The following RYR3 variants were observed in gnomAD, a reference collection of about 807,000 sequenced individuals.
RYR3 encodes ryanodine receptor 3.
Under a neutral mutation model 584.3 loss-of-function variants are expected in RYR3, and 207 were observed. That is an observed-to-expected ratio of 0.35 (90% confidence interval 0.32 to 0.40). RYR3 has a LOEUF of 0.40. Among genes scored for constraint, RYR3 ranks in the 10% least tolerant of loss-of-function variants. RYR3 has a pLI of 1.00. For synonymous variants in RYR3, 2,416 were observed against 2,248.5 expected (o/e 1.07, Z -2.11); for missense variants, 5,616 against 6,089.2 (o/e 0.92, Z 2.59).
At chr15:33,731,258 T>G (rs1013110132) in intron 47 of RYR3, among the ~76,000 whole-genome samples, 1 of 70,528 alleles carries the variant, frequency 1.4e-5, no homozygotes, top group African/African-American at 3.8e-5. Context: ...TTTTTGTGTG[T>G]TTTTTTTTTG....
intron 1 of RYR3, among the ~76,000 whole-genome samples, chr15:33,373,138 T>G (rs921187403): frequency 2.1e-4 from 32 of 152,320 alleles, no homozygotes; most frequent in African/African-American, 7.7e-4. Context: ...GCTGATCAAG[T>G]CTTCTTCCTA....
chr15:33,314,524 A>G (rs1012852131), intron 1 of RYR3, among the ~76,000 whole-genome samples: 2 of 152,226 alleles, frequency 1.3e-5, no homozygotes, highest in African/African-American at 4.8e-5. Context: ...CATTTAAAAA[A>G]CACAAAACGA....
At chr15:33,457,433 T>C (rs1197943053) in intron 1 of RYR3, among the ~76,000 whole-genome samples, 3 of 152,184 alleles carry the variant, frequency 2.0e-5, no homozygotes, top group African/African-American at 7.2e-5. Context: ...AGTCCTGTCA[T>C]TTGCAGCAGG....
intron 1 of RYR3, among the ~76,000 whole-genome samples, chr15:33,450,312 A>G (rs577569315): frequency 1.3e-5 from 2 of 152,162 alleles, no homozygotes; most frequent in Admixed American, 1.3e-4. Context: ...TTTATTTGGG[A>G]AAACAAGACT....
At position 33,580,152 on chromosome 15, in the gene RYR3, G is replaced by A. The variant is rs190742260; in HGVS notation, c.1437+8G>A. On this transcript the variant is annotated splice_region_variant and intron_variant, in intron 13 of 103. Transcript: ENST00000634891. ...AATCTTTTCAAGGAAGAGGTAAGTC[G>A]AAAAATGAAAAGTTGAAATTCACTT... The A allele has an allele frequency of 4.7e-4, 738 of 1,581,280 alleles. 4 individuals are homozygous for A. In the Admixed American group the frequency reaches 0.013, roughly 27 times the overall value.
chr15:33,443,674 G>T (rs2046403354), intron 1 of RYR3, among the ~76,000 whole-genome samples: 1 of 152,164 alleles, frequency 6.6e-6, no homozygotes, highest in Admixed American at 6.5e-5. Flanking sequence ...CAAGACATGG[G>T]GCACCTGAGT....
intron 39 of RYR3, 78 bp downstream of exon 39, chr15:33,696,569 T>C (rs2065879685): frequency 2.9e-6 from 4 of 1,390,558 alleles, no homozygotes; most frequent in Admixed American, 1.9e-5. Context: ...TATAGAGATA[T>C]AGTGGAATCA....
At chr15:33,575,828 T>C (rs1470767706) in intron 12 of RYR3, among the ~76,000 whole-genome samples, 1 of 50,028 alleles carries the variant, frequency 2.0e-5, no homozygotes, top group Non-Finnish European at 4.4e-5. Context: ...ATACAGGAGC[T>C]GGTTTTAAAA....
chr15:33,316,221 T>C (rs1968149803), intron 1 of RYR3, among the ~76,000 whole-genome samples: 1 of 152,198 alleles, frequency 6.6e-6, no homozygotes. Context: ...TATCTGTGCT[T>C]ATTTGCCTCT....
rs780795276 is a variant in RYR3, at chr15:33,644,362, T to C, written c.3608T>C (p.Leu1203Pro). 6.2e-7 allele frequency: 1 copy of C among 1,613,234 alleles called. No individual in the cohort carries two copies. Among genetic ancestry groups the C allele is most frequent in the Non-Finnish European group, 8.5e-7 (1 of 1,179,672 alleles). The change falls in exon 28 of 104, where the codon CTC (leucine) becomes CCC (proline). Residue 1203 changes from leucine to proline, a missense_variant. By Grantham distance (98) the Leu-to-Pro change is moderately conservative (BLOSUM62 -3). This residue lies in a region of RYR3 where 152 missense variants were observed against 200.9 expected (regional missense o/e 0.76). Transcript: ENST00000634891. ...CTATCTCAGATCGGCCGCATGAATC[T>C]CGGGACAGATGCCAGTACCTTCAAG... ...LGLSQIGRMNLGTDASTFKFY... is the reference protein window; with the variant it reads ...LGLSQIGRMNPGTDASTFKFY...
intron 38 of RYR3, among the ~76,000 whole-genome samples, chr15:33,693,440 G>A (rs114985021): frequency 0.012 from 1,801 of 152,356 alleles, 37 homozygotes; most frequent in African/African-American, 0.041. Context: ...GGGCTACAGC[G>A]GCTGTGCACT....
At chr15:33,702,366 TG>T (rs1177859614) in intron 42 of RYR3, among the ~76,000 whole-genome samples, 1 of 152,142 alleles carries the variant, frequency 6.6e-6, no homozygotes, top group Non-Finnish European at 1.5e-5. Context: ...AGGAGAGTTT[TG>T]GTAGTAATCA....
chr15:33,604,383 A>G (rs1595795948), intron 18 of RYR3, among the ~76,000 whole-genome samples: 2 of 152,346 alleles, frequency 1.3e-5, no homozygotes, highest in South Asian at 2.1e-4. Flanking sequence ...TCAGGTCCCA[A>G]TGACATGCTT....
rs749076476 is a variant in RYR3, at chr15:33,840,808, T to C, written c.12979-17T>C. 6.2e-6 allele frequency: 10 copies of C among 1,613,274 alleles called. No individual in the cohort carries two copies. Among genetic ancestry groups the C allele is most frequent in the Non-Finnish European group, 1.7e-6 (2 of 1,179,542 alleles). ...GCTTCTTTGAGGAAAGCTTGACTAA[T>C]TGTTATTTTTGTCTAGGCAGCAGAA... On this transcript the variant is annotated splice_polypyrimidine_tract_variant and intron_variant, in intron 89 of 103. Coordinates refer to ENST00000634891, the MANE Select transcript of RYR3 (RefSeq NM_001036.6).
chr15:33,356,995 C>T (rs1974073069), intron 1 of RYR3, among the ~76,000 whole-genome samples: 1 of 152,130 alleles, frequency 6.6e-6, no homozygotes, highest in Admixed American at 6.5e-5. Flanking sequence ...GCTCTGTTCT[C>T]TTGGAAGGGT....
rs1555427643 is a variant in RYR3, at chr15:33,725,976, C to CGCCAAAAAAA, written c.6913-410_6913-409insGCCAAAAAAA. On this transcript the variant is annotated intron_variant, in intron 45 of 103. Transcript: ENST00000634891. ...CAGAGCAAGACTCCATCCCCCCCCC[C>CGCCAAAAAAA]AAAAAAAAAAAAAAAAAAAAACAGA... 1.6e-4 allele frequency among the ~76,000 whole-genome samples: 5 copies of CGCCAAAAAAA among 31,520 alleles called. 1 individual carries two copies. The highest frequency in any genetic ancestry group is 1.8e-3 in the East Asian group (2 of 1,112). 20.7% of individuals were successfully genotyped at this position (31,520 alleles called of 152,430 possible).
At chr15:33,664,614 T>TATATATATATATATACAC (rs1491296584) in intron 36 of RYR3, among the ~76,000 whole-genome samples, 3 of 120,560 alleles carry the variant, frequency 2.5e-5, no homozygotes, top group African/African-American at 9.1e-5. Flanking sequence ...TATATATATA[T>TATATATATATATATACAC]ACGTATGTAT....
chr15:33,757,860 C>A (rs530563878), intron 60 of RYR3: 4 of 461,280 alleles, frequency 8.7e-6, no homozygotes, highest in Admixed American at 6.7e-5. Flanking sequence ...TTAAGATGGC[C>A]GAATAGGAAC....
At chr15:33,781,049 C>T (rs72715156) in intron 65 of RYR3, among the ~76,000 whole-genome samples, 2,634 of 152,246 alleles carry the variant, frequency 0.017, 33 homozygotes, top group Middle Eastern at 0.024. Context: ...GTTTGGCCCG[C>T]GAGGCCTAAA....
Sources: allele counts gnomAD v4.1 joint callset (sites outside exome capture counted in the v4.1 genomes callset), GRCh38; gene constraint gnomAD v4.1.1; regional missense constraint gnomAD v4.1.1; transcripts MANE v1.5; gene names NCBI Gene and HGNC (gene_info 2026-07-23, HGNC 2026-07-21).